RIN2: variants seen among roughly 807,000 people sequenced by gnomAD.
The protein encoded by RIN2 is RAB5 interacting protein 2.
RIN2 carries 36 observed loss-of-function variants against 78.0 expected under a neutral mutation model. The ratio of observed to expected loss-of-function variants is 0.46; its 90% CI spans 0.35 to 0.61. The LOEUF (loss-of-function observed/expected upper bound fraction) is 0.61, where lower values mean the gene tolerates loss of function less well. Ranked by LOEUF, RIN2 falls within the 20% of genes least tolerant of loss-of-function variation. RIN2 has a pLI of 0.00. For missense variants in RIN2, 1,087 were observed against 1,159.7 expected (o/e 0.94, Z 0.91); for synonymous variants, 466 against 466.8 (o/e 1.00, Z 0.02).
At chr20:19,989,916 T>C (rs1182348649) in intron 9 of RIN2, 90 bp from the exon 10 acceptor site, 3 of 1,277,490 alleles carry the variant, frequency 2.3e-6, no homozygotes, top group Non-Finnish European at 3.2e-6. Flanking sequence ...AACCAATGCA[T>C]AGAGTTGCAG....
intron 1 of RIN2, among the ~76,000 whole-genome samples, chr20:19,778,966 T>C (rs2034405270): frequency 6.6e-6 from 1 of 152,102 alleles, no homozygotes; most frequent in South Asian, 2.1e-4. Flanking sequence ...AGAGTAGAGT[T>C]TGGACTTAGA....
chr20:19,767,867 G>C (rs2033953308), intron 1 of RIN2, among the ~76,000 whole-genome samples: 1 of 149,790 alleles, frequency 6.7e-6, no homozygotes, highest in Admixed American at 6.7e-5. Context: ...AGAGGTTGCA[G>C]GGAGCCGAGA....
At chr20:19,869,525 G>T (rs1453867411) in intron 2 of RIN2, among the ~76,000 whole-genome samples, 1 of 152,208 alleles carries the variant, frequency 6.6e-6, no homozygotes, top group Non-Finnish European at 1.5e-5. Context: ...TGCTGGATTG[G>T]CCCATGCCAC....
chr20:19,903,636 G>C (rs1055290709), intron 3 of RIN2, among the ~76,000 whole-genome samples: 1 of 152,130 alleles, frequency 6.6e-6, no homozygotes, highest in African/African-American at 2.4e-5. Context: ...AGACGCCAGA[G>C]ATGCTGCCAA....
At chr20:19,980,955 G>C (rs1251848000) in intron 9 of RIN2, among the ~76,000 whole-genome samples, 2 of 152,224 alleles carry the variant, frequency 1.3e-5, no homozygotes, top group African/African-American at 4.8e-5. Flanking sequence ...CACCTCCTCT[G>C]TAGAGTCAAA....
At chr20:19,922,827 C>T (rs1416341854) in intron 3 of RIN2, among the ~76,000 whole-genome samples, 1 of 152,150 alleles carries the variant, frequency 6.6e-6, no homozygotes, top group Non-Finnish European at 1.5e-5. Context: ...TGGACCCCAC[C>T]CCATACTGCA....
At chr20:19,979,774 G>C (rs1158654150) in intron 9 of RIN2, among the ~76,000 whole-genome samples, 1 of 151,968 alleles carries the variant, frequency 6.6e-6, no homozygotes, top group Non-Finnish European at 1.5e-5. Context: ...CAGGTGCAGT[G>C]GCTCACACCT....
Position 19,764,918 on chromosome 20 carries a change from G to GGTTTTTTTTT in RIN2, c.-163+6591_-163+6592insGTTTTTTTTT, listed in dbSNP as rs2033804608. On this transcript the variant is annotated intron_variant, in intron 1 of 12. Transcript: ENST00000255006. ...GGGCAAGTCCCACTTCACTTTCTGC[G>GGTTTTTTTTT]TTTTTTTTTTTTTTTTTTTTTTTTT... Among the ~76,000 whole-genome samples the GGTTTTTTTTT allele has an allele frequency of 1.6e-3, 82 of 50,394 alleles. 1 individual carries two copies. Among genetic ancestry groups the GGTTTTTTTTT allele is most frequent in the South Asian group, 3.0e-3 (2 of 666 alleles). 33.1% of individuals were successfully genotyped at this position (50,394 alleles called of 152,430 possible).
chr20:19,765,475 A>G (rs908616784), intron 1 of RIN2, among the ~76,000 whole-genome samples: 5 of 152,148 alleles, frequency 3.3e-5, no homozygotes, highest in Non-Finnish European at 2.9e-5. Flanking sequence ...TGGCTGGCTC[A>G]AAGGTTCATT....
At chr20:19,913,753 G>A (rs2039571293) in intron 3 of RIN2, among the ~76,000 whole-genome samples, 1 of 152,134 alleles carries the variant, frequency 6.6e-6, no homozygotes, top group Non-Finnish European at 1.5e-5. Flanking sequence ...TGTAGCATAT[G>A]TTATAATTTT....
intron 11 of RIN2, among the ~76,000 whole-genome samples, chr20:19,995,074 C>T (rs1568723240): frequency 6.6e-6 from 1 of 152,140 alleles, no homozygotes; most frequent in East Asian, 1.9e-4. Context: ...GGCTCCTGAT[C>T]CACATGGAGG....
chr20:19,858,097 T>G (rs1175932928), intron 2 of RIN2, among the ~76,000 whole-genome samples: 1 of 151,326 alleles, frequency 6.6e-6, no homozygotes, highest in Non-Finnish European at 1.5e-5. Context: ...GAGGTCCAAC[T>G]CATCCCTTTT....
rs370962239 is a variant in RIN2, at chr20:19,934,653, T to C, written c.58-446T>C. Reference sequence around the variant, plus strand: ...TGGATATATCTTTTAAATAAACTCATTTCTATAACAAAATAATCATTGTAT... The same window carrying C: ...TGGATATATCTTTTAAATAAACTCACTTCTATAACAAAATAATCATTGTAT... On this transcript the variant is annotated intron_variant, in intron 3 of 12. Coordinates refer to ENST00000255006, the MANE Select transcript of RIN2 (RefSeq NM_018993.4). The C allele has an allele frequency of 1.9e-5, 18 of 934,366 alleles. No individual in the cohort carries two copies. In the African/African-American group the frequency reaches 3.0e-4, roughly 16 times the overall value. 57.9% of individuals were successfully genotyped at this position (934,366 alleles called of 1,614,324 possible). A position where few individuals can be genotyped will look rare whatever the true frequency, so the allele number is the denominator to read the frequency against.
At chr20:19,835,543 T>G (rs1216376263) in intron 2 of RIN2, among the ~76,000 whole-genome samples, 1 of 152,200 alleles carries the variant, frequency 6.6e-6, no homozygotes, top group East Asian at 1.9e-4. Flanking sequence ...ATCATTTACA[T>G]GAGGCAATTA....
At chr20:19,770,880 C>G (rs78194863) in intron 1 of RIN2, among the ~76,000 whole-genome samples, 50,005 of 139,196 alleles carry the variant, frequency 0.36, 10,622 homozygotes, top group African/African-American at 0.58. Context: ...CCCACCCCCC[C>G]CCCCCACCTT....
At chr20:19,981,441 G>T (rs1247355891) in intron 9 of RIN2, among the ~76,000 whole-genome samples, 1 of 152,200 alleles carries the variant, frequency 6.6e-6, no homozygotes, top group Non-Finnish European at 1.5e-5. Flanking sequence ...AAGTCACTTA[G>T]CACTGCCCAC....
chr20:19,974,843 A>G lies in RIN2; in HGVS notation c.818A>G (p.Asn273Ser), dbSNP rs777497828. The G allele has an allele frequency of 6.2e-7, 1 of 1,613,778 alleles. No individual in the cohort carries two copies. Among genetic ancestry groups the G allele is most frequent in the Non-Finnish European group, 8.5e-7 (1 of 1,179,894 alleles). The change falls in exon 9 of 13, where the codon AAT (asparagine) becomes AGT (serine). Residue 273 changes from asparagine (N) to serine (S), a missense_variant. Coordinates refer to ENST00000255006, the MANE Select transcript of RIN2 (RefSeq NM_018993.4). Reference protein sequence around the residue: ...SQTNGALCFINPLFLKVHSQD... With the variant: ...SQTNGALCFISPLFLKVHSQD... ...ACCAACGGGGCCCTGTGCTTTATTA[A>G]TCCCCTTTTCTTGAAAGTGCACAGC...
intron 2 of RIN2, among the ~76,000 whole-genome samples, chr20:19,811,165 T>C (rs1380324294): frequency 6.6e-6 from 1 of 151,768 alleles, no homozygotes; most frequent in Non-Finnish European, 1.5e-5. Flanking sequence ...GATGCAGTAA[T>C]TTATTTGGTG....
chr20:19,938,630 T>C (rs1568633998), intron 4 of RIN2, among the ~76,000 whole-genome samples: 1 of 152,208 alleles, frequency 6.6e-6, no homozygotes, highest in Non-Finnish European at 1.5e-5. Context: ...CTCATTAAAA[T>C]GGGAATAATA....
Sources: allele counts gnomAD v4.1 joint callset (sites outside exome capture counted in the v4.1 genomes callset), GRCh38; gene constraint gnomAD v4.1.1; transcripts MANE v1.5; gene names NCBI Gene and HGNC (gene_info 2026-07-23, HGNC 2026-07-21).